Variants in MYT1L observed in about 807,000 individuals in gnomAD.
MYT1L encodes the protein myelin transcription factor 1-like protein.
A neutral mutation model predicts 126.7 loss-of-function variants in MYT1L; 12 were observed. The observed-to-expected ratio is 0.09, with a 90% CI of 0.06 to 0.15. The LOEUF is 0.15. Ranked by LOEUF, MYT1L falls within the 10% of genes least tolerant of loss-of-function variation. The pLI is 1.00. For missense variants in MYT1L, 979 were observed against 1,585.2 expected (o/e 0.62, Z 6.49); for synonymous variants, 541 against 604.2 (o/e 0.90, Z 1.53).
chr2:1,857,024 C>A (rs186363828), intron 18 of MYT1L, among the ~76,000 whole-genome samples: 41 of 152,308 alleles, frequency 2.7e-4, no homozygotes, highest in Admixed American at 2.6e-3. Flanking sequence ...CAAGTGCACG[C>A]GGAGGCTCAG....
intron 2 of MYT1L, among the ~76,000 whole-genome samples, chr2:2,210,578 G>A (rs2093470531): frequency 6.6e-6 from 1 of 152,018 alleles, no homozygotes; most frequent in Non-Finnish European, 1.5e-5. Context: ...TCTGTTCCAT[G>A]CATCCATGTG....
chr2:1,791,332 C>T lies in MYT1L; in HGVS notation c.*535G>A, dbSNP rs993047591. On this transcript the variant is annotated 3_prime_UTR_variant, in exon 25 of 25. Transcript: ENST00000647738. The surrounding 1 kb of genome is among the most constrained non-coding windows in gnomAD (Gnocchi z 6.0). ...GTTCAAAAATAAAGCATTTTTGCAA[C>T]GAATTCTTGCTATGAAACAATATGC... 11 of 449,200 alleles carry T rather than the reference C, an allele frequency of 2.4e-5. No individual in the cohort carries two copies. Among genetic ancestry groups the T allele is most frequent in the African/African-American group, 1.2e-4 (6 of 48,858 alleles). The allele number at this position is 449,200 out of a possible 1,614,324, so 27.8% of individuals were successfully genotyped here.
chr2:1,933,531 C>T (rs1351035742), intron 9 of MYT1L, among the ~76,000 whole-genome samples: 1 of 152,178 alleles, frequency 6.6e-6, no homozygotes, highest in African/African-American at 2.4e-5. Context: ...AAGAGGAACC[C>T]AGTGGCTTAA....
At chr2:2,153,899 G>A (rs962088186) in intron 3 of MYT1L, among the ~76,000 whole-genome samples, 15 of 152,262 alleles carry the variant, frequency 9.9e-5, no homozygotes, top group Admixed American at 5.2e-4. Context: ...CGGGTGCAGC[G>A]TGTGAGAGGT....
chr2:2,247,653 A>G (rs1455389869), intron 2 of MYT1L, among the ~76,000 whole-genome samples: 1 of 152,230 alleles, frequency 6.6e-6, no homozygotes, highest in Non-Finnish European at 1.5e-5. Context: ...TAAAACATTC[A>G]AAAAATTGAA....
At chr2:2,262,939 G>GAGATATATATATATATATATATATATAT (rs1466512652) in intron 2 of MYT1L, among the ~76,000 whole-genome samples, 8 of 51,960 alleles carry the variant, frequency 1.5e-4, no homozygotes, top group South Asian at 1.8e-3. Flanking sequence ...TATAACCTGT[G>GAGATATATATATATATATATATATATAT]ATATATATAT....
chr2:2,282,016 C>T (rs991319113), intron 2 of MYT1L, among the ~76,000 whole-genome samples: 1 of 152,104 alleles, frequency 6.6e-6, no homozygotes, highest in Non-Finnish European at 1.5e-5. Flanking sequence ...GGTAGTGGAT[C>T]TCGAAATTCT....
At chr2:2,029,158 T>G (rs1055212370) in intron 4 of MYT1L, among the ~76,000 whole-genome samples, 1 of 152,222 alleles carries the variant, frequency 6.6e-6, no homozygotes, top group African/African-American at 2.4e-5. Context: ...TATTGAACTA[T>G]AATTACACAA....
At chr2:2,139,132 G>T (rs1013262508) in intron 3 of MYT1L, among the ~76,000 whole-genome samples, 2 of 151,272 alleles carry the variant, frequency 1.3e-5, no homozygotes. Flanking sequence ...AATCTAAGAG[G>T]ACTTCCTGCA....
chr2:1,925,005 A>G (rs1322355015), intron 9 of MYT1L, among the ~76,000 whole-genome samples: 2 of 152,214 alleles, frequency 1.3e-5, no homozygotes, highest in Admixed American at 6.5e-5. Flanking sequence ...TTTCCTCAGA[A>G]TAACCAAGCT....
At chr2:1,915,833 C>T (rs899651788) in intron 11 of MYT1L, among the ~76,000 whole-genome samples, 1 of 152,210 alleles carries the variant, frequency 6.6e-6, no homozygotes, top group Non-Finnish European at 1.5e-5. Flanking sequence ...CAGGCATTGG[C>T]TAACCTCTGG....
At chr2:2,141,089 G>A (rs909459323) in intron 3 of MYT1L, among the ~76,000 whole-genome samples, 11 of 152,158 alleles carry the variant, frequency 7.2e-5, no homozygotes, top group African/African-American at 2.7e-4. Flanking sequence ...ATCCCATGGA[G>A]AAGTGTATGG....
chr2:1,980,492 T>C (rs1456554677), intron 5 of MYT1L, among the ~76,000 whole-genome samples: 1 of 152,026 alleles, frequency 6.6e-6, no homozygotes, highest in Non-Finnish European at 1.5e-5. Context: ...TCCTCCACAT[T>C]TATCTAAATT....
chr2:2,182,156 C>T (rs1336384643), intron 2 of MYT1L, among the ~76,000 whole-genome samples: 1 of 151,026 alleles, frequency 6.6e-6, no homozygotes, highest in Non-Finnish European at 1.5e-5. Flanking sequence ...ACTGTGGCCA[C>T]GGACAGCACG....
intron 18 of MYT1L, chr2:1,885,236 G>A (rs1558272769): frequency 6.6e-6 from 1 of 152,496 alleles, no homozygotes; most frequent in East Asian, 1.9e-4. Context: ...GTGGTTTCGA[G>A]CCATACAAAA....
At chr2:2,306,688 C>T (rs937212132) in intron 1 of MYT1L, among the ~76,000 whole-genome samples, 1 of 152,144 alleles carries the variant, frequency 6.6e-6, no homozygotes, top group Non-Finnish European at 1.5e-5. Flanking sequence ...CAGAAGGTCC[C>T]TCAAATGATG....
chr2:2,075,741 C>A (rs1347331221), intron 3 of MYT1L, among the ~76,000 whole-genome samples: 2 of 152,058 alleles, frequency 1.3e-5, no homozygotes, highest in African/African-American at 4.8e-5. Context: ...TATGGGTTGG[C>A]AAAACAATAA....
At chr2:2,314,059 G>T (rs1281769320) in intron 1 of MYT1L, among the ~76,000 whole-genome samples, 1 of 152,074 alleles carries the variant, frequency 6.6e-6, no homozygotes, top group Non-Finnish European at 1.5e-5. Flanking sequence ...AGTTCTTATA[G>T]TTATTTTTGC....
chr2:2,210,814 G>T (rs1214287475), intron 2 of MYT1L, among the ~76,000 whole-genome samples: 1 of 152,020 alleles, frequency 6.6e-6, no homozygotes, highest in Non-Finnish European at 1.5e-5. Flanking sequence ...AGATTTCTTT[G>T]GGTAGTATGG....
Sources: gnomAD v4.1 joint callset for allele counts (sites outside exome capture counted in the v4.1 genomes callset) on GRCh38, gnomAD v4.1.1 for gene constraint, Gnocchi (gnomAD v3.1) non-coding constraint, MANE v1.5 for transcripts, NCBI Gene and HGNC (gene_info 2026-07-23, HGNC 2026-07-21) for gene names.